SPG7: variants seen among roughly 807,000 people sequenced by gnomAD.
SPG7 encodes the protein SPG7 matrix AAA peptidase subunit, paraplegin, also known as mitochondrial inner membrane m-AAA protease component paraplegin.
In SPG7, 103 loss-of-function variants were observed where a neutral mutation model predicts 81.9. The observed-to-expected ratio is 1.26, with a 90% CI of 1.07 to 1.48. The LOEUF (loss-of-function observed/expected upper bound fraction) is 1.48, where lower values mean the gene tolerates loss of function less well. Ranked by LOEUF, SPG7 falls within the 40% of genes most tolerant of loss-of-function variation. The probability of loss-of-function intolerance (pLI) is 0.00; values close to 1 mark genes in which losing one functional copy is unlikely to be tolerated. For synonymous variants in SPG7, 534 were observed against 444.2 expected, an observed-to-expected ratio of 1.20 and a Z score of -2.54; for missense variants, 1,241 against 1,087.3, an observed-to-expected ratio of 1.14 and a Z score of -1.99.
chr16:89,554,649 T>G, intron 16 of SPG7, 86 bp downstream of exon 16: 1 of 878,276 alleles, frequency 1.1e-6, no homozygotes, highest in South Asian at 1.4e-5. Context: ...GTGAAGTATT[T>G]CCAAGGCACA....
In SPG7 at chr16:89,529,512, T is replaced by G; in HGVS notation, c.794T>G (p.Leu265Arg). The G allele has an allele frequency of 6.2e-7, 1 of 1,613,954 alleles. No homozygotes were observed. The highest frequency in any genetic ancestry group is 8.5e-7 in the Non-Finnish European group (1 of 1,179,876). The change falls in exon 6 of 17, where the codon CTG (leucine) becomes CGG (arginine). Residue 265 changes from leucine to arginine, a missense_variant. Physicochemically the swap from Leu to Arg is moderately radical, Grantham distance 102. Coordinates refer to ENST00000645818, the MANE Select transcript of SPG7 (RefSeq NM_003119.4). ...LYSVGMTAVG[L>R]AILWYVFRLA... Reference sequence around the variant, plus strand: ...TCTGTGGGGATGACGGCAGTGGGCCTGGCCATCCTGTGGTATGTTTTCCGT... The same window carrying G: ...TCTGTGGGGATGACGGCAGTGGGCCGGGCCATCCTGTGGTATGTTTTCCGT...
At chr16:89,541,464 G>A in intron 9 of SPG7, 1 of 433,918 alleles carries the variant, frequency 2.3e-6, no homozygotes, top group Non-Finnish European at 3.1e-6. Context: ...AGGTCTCCAG[G>A]GAGGAGGGAT....
In SPG7 at chr16:89,508,564, G is replaced by A. The variant is rs1456722696; in HGVS notation, c.147G>A (p.Pro49=). 1.5e-5 allele frequency: 23 copies of A among 1,494,636 alleles called. No individual in the cohort carries two copies. The highest frequency in any genetic ancestry group is 1.9e-5 in the Non-Finnish European group (21 of 1,127,872). The allele number at this position is 1,494,636 out of a possible 1,614,324, so 92.6% of individuals were successfully genotyped here. The part of the protein sequence containing the change: ...RGRPYMASRP[P]GDLAEAGGRA... ...GGCCGTACATGGCCAGCAGGCCTCC[G>A]GGGGACCTCGCCGAGGCTGGAGGCC... The change falls in exon 1 of 17, where the codon CCG becomes CCA. Residue 49 remains proline, a synonymous_variant. Transcript: ENST00000645818.
At chr16:89,540,803 C>A in intron 9 of SPG7, 2 of 732,326 alleles carry the variant, frequency 2.7e-6, no homozygotes, top group Non-Finnish European at 3.3e-6. Context: ...CTCCTGGGTG[C>A]TCATCCCAGG....
At chr16:89,534,542 C>T (rs989427968) in intron 9 of SPG7, among the ~76,000 whole-genome samples, 2 of 151,952 alleles carry the variant, frequency 1.3e-5, no homozygotes, top group Non-Finnish European at 2.9e-5. Context: ...ACTTTTTTTC[C>T]CCAAGTGTTC....
rs1567929820 is a variant in SPG7 at position 89,548,162 on chromosome 16, CCCCAGAAATA to C, written c.1663+55_1663+64del. The stretch of plus-strand genomic sequence containing the variant: ...AAGGCCCTCCTTAGCAGGGCTTGAA[CCCCAGAAATA>C]CCCAGGCAGGTATTGAGAGGTGAGG... On this transcript the variant is annotated intron_variant, in intron 12 of 16. Coordinates refer to ENST00000645818, the MANE Select transcript of SPG7 (RefSeq NM_003119.4). 4.6e-6 allele frequency: 6 copies of C among 1,301,242 alleles called. No homozygotes were observed. The South Asian group carries it at 7.0e-5, about 15-fold the overall frequency. The allele number at this position is 1,301,242 out of a possible 1,614,324, so 80.6% of individuals were successfully genotyped here. A position where few individuals can be genotyped will look rare whatever the true frequency, so the allele number is the denominator to read the frequency against.
rs367949914 is a variant in SPG7, at chr16:89,553,005, C to T, written c.1806C>T (p.Ala602=). 1.1e-5 allele frequency: 18 copies of T among 1,613,864 alleles called. No individual in the cohort carries two copies. The highest frequency in any genetic ancestry group is 3.3e-4 in the Middle Eastern group (2 of 6,062). The change falls in exon 14 of 17, where the codon GCC becomes GCT. Residue 602 remains alanine, a synonymous_variant. Transcript: ENST00000645818. ...MKVSITPRTN[A]ALGFAQMLPR... ...TCTCCATAACCCCTCGGACAAACGC[C>T]GCCCTGGGCTTTGCTCAGATGCTCC...
intron 9 of SPG7, chr16:89,536,767 GC>G (rs747775379): frequency 1.2e-6 from 2 of 1,613,988 alleles, no homozygotes; most frequent in Non-Finnish European, 1.7e-6. Flanking sequence ...CCAACCAGGT[GC>G]CTCTCTTGAC....
intron 4 of SPG7, among the ~76,000 whole-genome samples, chr16:89,525,416 G>C (rs1185645870): frequency 2.0e-5 from 3 of 152,192 alleles, no homozygotes; most frequent in Non-Finnish European, 4.4e-5. Flanking sequence ...ACTATGCTCA[G>C]CTCTAGACGA....
intron 13 of SPG7, among the ~76,000 whole-genome samples, 161 bp downstream of exon 13, chr16:89,550,770 C>T (rs939406177): frequency 1.1e-4 from 17 of 152,140 alleles, no homozygotes; most frequent in Admixed American, 2.0e-4. Context: ...CTGCCACTGT[C>T]ATGATCCATG....
intron 12 of SPG7, chr16:89,549,831 C>G (rs1159341127): frequency 6.0e-6 from 1 of 166,558 alleles, no homozygotes; most frequent in African/African-American, 2.4e-5. Flanking sequence ...TCTGCCCATC[C>G]TGCCAGGGAG....
intron 5 of SPG7, chr16:89,529,101 C>T (rs4785688): frequency 0.45 from 154,585 of 339,782 alleles, 36,503 homozygotes; most frequent in East Asian, 0.68. Flanking sequence ...CGTGAGCCAC[C>T]GCGCCCGGCC....
At chr16:89,528,768 G>C (rs551866562) in intron 5 of SPG7, 1 of 153,782 alleles carries the variant, frequency 6.5e-6, no homozygotes, top group African/African-American at 2.4e-5. Flanking sequence ...ACCACATCCA[G>C]CTAAGTTTTT....
At chr16:89,509,669 G>A (rs2057985628) in intron 1 of SPG7, among the ~76,000 whole-genome samples, 1 of 152,218 alleles carries the variant, frequency 6.6e-6, no homozygotes, top group Admixed American at 6.5e-5. Flanking sequence ...GGTGACAGCA[G>A]GAGCCCCGTG....
At chr16:89,537,562 C>T (rs1014025473) in intron 9 of SPG7, 16 of 989,366 alleles carry the variant, frequency 1.6e-5, no homozygotes, top group East Asian at 1.1e-4. Context: ...GACAGGGTGT[C>T]GTTCTGTCGC....
intron 3 of SPG7, chr16:89,518,908 G>C (rs1393263700): frequency 6.6e-6 from 1 of 152,252 alleles, no homozygotes; most frequent in African/African-American, 2.4e-5. Flanking sequence ...GCCTGGCTGT[G>C]ATACTGTTCA....
chr16:89,546,571 ACC>A (rs35936864), intron 10 of SPG7, 85 bp from the exon 11 acceptor site: 116,213 of 750,142 alleles, frequency 0.15, 10 homozygotes, highest in South Asian at 0.18. Context: ...CTACTTGGGG[ACC>A]CCCCCCCCCC....
At chr16:89,547,808 T>A in intron 11 of SPG7, 195 bp from the exon 12 acceptor site, 2 of 587,718 alleles carry the variant, frequency 3.4e-6, no homozygotes, top group South Asian at 3.6e-5. Flanking sequence ...CAATAGGGTT[T>A]CACCCTGTTG....
In SPG7 at chr16:89,524,159, A is replaced by G; in HGVS notation, c.530A>G (p.Lys177Arg). ...GACTTTGTCCACGAGATGCTGGCCAAGGGCGAGGTGCAGCGCGTCCAGGTG... is the reference window on the plus strand; with the variant it reads ...GACTTTGTCCACGAGATGCTGGCCAGGGGCGAGGTGCAGCGCGTCCAGGTG... ...WNDFVHEMLA[K>R]GEVQRVQVVP... The change falls in exon 4 of 17, where the codon AAG becomes AGG. Residue 177 changes from lysine (K) to arginine (R), a missense_variant. By Grantham distance (26) the Lys-to-Arg change is conservative. Transcript: ENST00000645818. 6.2e-7 allele frequency: 1 copy of G among 1,614,120 alleles called. No individual in the cohort carries two copies. The highest frequency in any genetic ancestry group is 1.3e-5 in the African/African-American group (1 of 75,058).
Sources: allele counts gnomAD v4.1 joint callset (sites outside exome capture counted in the v4.1 genomes callset), GRCh38; gene constraint gnomAD v4.1.1; transcripts MANE v1.5; gene names NCBI Gene and HGNC (gene_info 2026-07-23, HGNC 2026-07-21).